The following FGF10 variants were observed in gnomAD, a reference collection of about 807,000 sequenced individuals.
FGF10 encodes FGF-10.
FGF10 carries 2 observed loss-of-function variants against 19.8 expected under a neutral mutation model. That is an observed-to-expected ratio of 0.10 (90% CI 0.04 to 0.32). The LOEUF is 0.32. Among genes scored for constraint, FGF10 ranks in the 10% least tolerant of loss-of-function variants. FGF10 has a pLI of 1.00. For missense variants in FGF10, 191 were observed against 246.3 expected, an observed-to-expected ratio of 0.78 and a Z score of 1.50; for synonymous variants, 112 against 94.0, an observed-to-expected ratio of 1.19 and a Z score of -1.10.
intron 1 of FGF10, among the ~76,000 whole-genome samples, chr5:44,354,563 A>C (rs1414650045): frequency 6.6e-6 from 1 of 151,442 alleles, no homozygotes; most frequent in Non-Finnish European, 1.5e-5. Flanking sequence ...AACCATAAGC[A>C]TCACCGCGCA....
chr5:44,355,880 G>T (rs147870757), intron 1 of FGF10, among the ~76,000 whole-genome samples: 3 of 151,518 alleles, frequency 2.0e-5, no homozygotes, highest in African/African-American at 7.2e-5. Context: ...AAAGTACATT[G>T]CAGCTTTTCC....
At chr5:44,351,006 A>G (rs1342723192) in intron 1 of FGF10, among the ~76,000 whole-genome samples, 2 of 151,470 alleles carry the variant, frequency 1.3e-5, no homozygotes, top group Non-Finnish European at 1.5e-5. Context: ...GTAAATATCT[A>G]TTAATTAAAA....
At chr5:44,367,850 T>C (rs1029545943) in intron 1 of FGF10, among the ~76,000 whole-genome samples, 2 of 151,736 alleles carry the variant, frequency 1.3e-5, no homozygotes, top group Non-Finnish European at 2.9e-5. Flanking sequence ...GCTGTTTTTT[T>C]TTTTTTTAAG....
chr5:44,310,104 G>GT (rs1740175190), intron 2 of FGF10, among the ~76,000 whole-genome samples: 2 of 152,070 alleles, frequency 1.3e-5, no homozygotes, highest in African/African-American at 4.8e-5. Flanking sequence ...TGTTTTTAGT[G>GT]TTTTTTCTCC....
At chr5:44,334,156 A>C (rs1035994427) in intron 1 of FGF10, among the ~76,000 whole-genome samples, 7 of 152,062 alleles carry the variant, frequency 4.6e-5, no homozygotes, top group Admixed American at 2.0e-4. Flanking sequence ...AGCATCAGTT[A>C]CTTGTCTTGA....
In FGF10 at chr5:44,305,202, A is replaced by G; in HGVS notation, c.430-10T>C. 1 of 1,611,634 alleles carries G rather than the reference A, an allele frequency of 6.2e-7. No homozygotes were observed. Among genetic ancestry groups the G allele is most frequent in the Non-Finnish European group, 8.5e-7 (1 of 1,177,918 alleles). ...CATTGTTAAATTCTTTCTGCAAAGG[A>G]AAAACAGAATCTTTTATTCCTATGG... is the stretch of plus-strand genomic sequence containing the variant. On this transcript the variant is annotated splice_polypyrimidine_tract_variant and intron_variant, in intron 2 of 2. Transcript: ENST00000264664.
At chr5:44,370,047 G>C (rs943245569) in intron 1 of FGF10, among the ~76,000 whole-genome samples, 12 of 152,070 alleles carry the variant, frequency 7.9e-5, no homozygotes, top group Non-Finnish European at 1.6e-4. Flanking sequence ...ACTGTGTGCA[G>C]TGCATCTAGA....
chr5:44,329,918 T>A (rs1182021975), intron 1 of FGF10, among the ~76,000 whole-genome samples: 1 of 152,172 alleles, frequency 6.6e-6, no homozygotes, highest in Admixed American at 6.5e-5. Context: ...GACACAGAGT[T>A]TTCAGAGCCT....
At chr5:44,366,776 GT>G (rs1235881651) in intron 1 of FGF10, among the ~76,000 whole-genome samples, 1 of 152,038 alleles carries the variant, frequency 6.6e-6, no homozygotes, top group Admixed American at 6.6e-5. Context: ...TTATTTGATA[GT>G]GTCTGGATAA....
intron 1 of FGF10, among the ~76,000 whole-genome samples, chr5:44,357,477 A>C (rs1334388490): frequency 6.6e-6 from 1 of 151,510 alleles, no homozygotes; most frequent in African/African-American, 2.4e-5. Context: ...ACTGTTTAAC[A>C]CTTACCAAGT....
intron 1 of FGF10, among the ~76,000 whole-genome samples, chr5:44,320,801 G>T (rs1289408840): frequency 6.6e-6 from 1 of 151,474 alleles, no homozygotes; most frequent in African/African-American, 2.4e-5. Flanking sequence ...CACAACCTCT[G>T]CCTCCCGGAC....
At chr5:44,385,290 A>G (rs1368107347) in intron 1 of FGF10, among the ~76,000 whole-genome samples, 1 of 152,150 alleles carries the variant, frequency 6.6e-6, no homozygotes, top group Non-Finnish European at 1.5e-5. Context: ...ATAATCACCC[A>G]TATAGAGAAG....
At chr5:44,370,774 A>AT (rs923810813) in intron 1 of FGF10, among the ~76,000 whole-genome samples, 2 of 151,874 alleles carry the variant, frequency 1.3e-5, no homozygotes, top group African/African-American at 2.4e-5. Context: ...TTAGAATCTT[A>AT]TTTTTTTCCA....
chr5:44,388,959 G>T lies in FGF10; in HGVS notation c.-277C>A. On this transcript the variant is annotated 5_prime_UTR_variant, in exon 1 of 3. Coordinates refer to ENST00000264664, the MANE Select transcript of FGF10 (RefSeq NM_004465.2). ...GCCGCAGCAGCAGGAGCTGGTGGTG[G>T]CGTTGGTGGTGTTGGTCACCAGCGC... is the stretch of plus-strand genomic sequence containing the variant. 3 of 556,782 alleles carry T rather than the reference G, an allele frequency of 5.4e-6. No homozygotes were observed. In the Admixed American group the frequency reaches 9.1e-5, roughly 17 times the overall value. 34.5% of individuals were successfully genotyped at this position (556,782 alleles called of 1,614,324 possible). A position where few individuals can be genotyped will look rare whatever the true frequency, so the allele number is the denominator to read the frequency against.
chr5:44,329,366 G>A (rs200108121), intron 1 of FGF10, among the ~76,000 whole-genome samples: 57 of 152,046 alleles, frequency 3.7e-4, no homozygotes, highest in East Asian at 1.2e-3. Context: ...TAGTAGACGC[G>A]GGGTTTCACC....
chr5:44,368,404 T>C (rs1482675), intron 1 of FGF10, among the ~76,000 whole-genome samples: 100,146 of 151,882 alleles, frequency 0.66, 33,250 homozygotes, highest in South Asian at 0.71. Flanking sequence ...GCACCGCATA[T>C]AACAAATAAT....
At chr5:44,342,678 G>A (rs1476185685) in intron 1 of FGF10, among the ~76,000 whole-genome samples, 2 of 151,714 alleles carry the variant, frequency 1.3e-5, no homozygotes, top group Admixed American at 6.6e-5. Flanking sequence ...CCACACTAAA[G>A]TTCATCTACA....
Position 44,306,997 on chromosome 5 carries a change from T to C in FGF10, c.430-1805A>G, listed in dbSNP as rs950327849. Among the ~76,000 whole-genome samples the C allele has an allele frequency of 6.6e-5, 10 of 152,190 alleles. 1 individual carries two copies. The highest frequency in any genetic ancestry group is 1.9e-4 in the African/African-American group (8 of 41,454). On this transcript the variant is annotated intron_variant, in intron 2 of 2. Transcript: ENST00000264664. ...AATTTTTAAAATATGGATAATTATG[T>C]TCATTTCAATCAATAAATGGGGTAC... is the stretch of plus-strand genomic sequence containing the variant.
At chr5:44,316,131 A>G (rs898992561) in intron 1 of FGF10, among the ~76,000 whole-genome samples, 5 of 152,132 alleles carry the variant, frequency 3.3e-5, no homozygotes. Flanking sequence ...TACTGTGAAC[A>G]ATGCAAGGAA....
Sources: gnomAD v4.1 joint callset for allele counts (sites outside exome capture counted in the v4.1 genomes callset) on GRCh38, gnomAD v4.1.1 for gene constraint, MANE v1.5 for transcripts, NCBI Gene and HGNC (gene_info 2026-07-23, HGNC 2026-07-21) for gene names.